HEMK2: variants seen among roughly 807,000 people sequenced by gnomAD.
HEMK2 encodes the protein methyltransferase HEMK2.
the HEMK2 span, among the ~76,000 whole-genome samples, chr21:28,868,203 T>C: frequency 6.6e-6 from 1 of 152,202 alleles, no homozygotes; most frequent in African/African-American, 2.4e-5. Context: ...TCAAGCTCTC[T>C]CATGCTCCTC....
chr21:28,713,489 A>C, the HEMK2 span, among the ~76,000 whole-genome samples: 1 of 152,156 alleles, frequency 6.6e-6, no homozygotes, highest in Non-Finnish European at 1.5e-5. Context: ...GCCAACCTTT[A>C]GTTCCCCAGG....
chr21:28,717,068 C>T, the HEMK2 span, among the ~76,000 whole-genome samples: 1 of 152,096 alleles, frequency 6.6e-6, no homozygotes, highest in Non-Finnish European at 1.5e-5. Flanking sequence ...GGAATATCGG[C>T]CTGTAGTTTT....
chr21:28,754,849 T>G, the HEMK2 span, among the ~76,000 whole-genome samples: 2 of 152,222 alleles, frequency 1.3e-5, no homozygotes, highest in Non-Finnish European at 2.9e-5. Flanking sequence ...AGAAAAGCGT[T>G]AAGACCTTTC....
chr21:28,683,446 A>C, the HEMK2 span, among the ~76,000 whole-genome samples: 1 of 152,212 alleles, frequency 6.6e-6, no homozygotes, highest in African/African-American at 2.4e-5. Context: ...AGATTAATCC[A>C]AAACCATGAT....
At chr21:28,872,673 G>C in the HEMK2 span, 1 of 152,244 alleles carries the variant, frequency 6.6e-6, no homozygotes, top group Non-Finnish European at 1.5e-5. Flanking sequence ...ACCCAGGAAG[G>C]CCTGTGGTAT....
chr21:28,626,720 AG>A, the HEMK2 span: 1 of 152,140 alleles, frequency 6.6e-6, no homozygotes, highest in African/African-American at 2.4e-5. Flanking sequence ...TTTTTTTAAA[AG>A]GGCAAAAAGC....
chr21:28,877,392 G>A, the HEMK2 span, among the ~76,000 whole-genome samples: 1 of 64,820 alleles, frequency 1.5e-5, no homozygotes, highest in African/African-American at 6.0e-5. Context: ...AAAGAAGGAA[G>A]GAAGGGAAGA....
At chr21:28,847,012 A>G in the HEMK2 span, among the ~76,000 whole-genome samples, 1 of 152,164 alleles carries the variant, frequency 6.6e-6, no homozygotes, top group Admixed American at 6.6e-5. Flanking sequence ...TATATGTACC[A>G]TATTTTCTTC....
the HEMK2 span, among the ~76,000 whole-genome samples, chr21:28,781,538 G>A: frequency 6.6e-6 from 1 of 152,166 alleles, no homozygotes. Context: ...ATACTACAGT[G>A]AAAGGAATCA....
chr21:28,763,501 C>T, the HEMK2 span, among the ~76,000 whole-genome samples: 3 of 152,220 alleles, frequency 2.0e-5, no homozygotes, highest in African/African-American at 7.2e-5. Context: ...ACCCCACGAT[C>T]CAGCGACTTC....
the HEMK2 span, among the ~76,000 whole-genome samples, chr21:28,759,843 G>C: frequency 6.6e-6 from 1 of 152,116 alleles, no homozygotes; most frequent in African/African-American, 2.4e-5. Context: ...CCCCAGCCAC[G>C]TGGAACTGTG....
the HEMK2 span, among the ~76,000 whole-genome samples, chr21:28,864,079 C>T: frequency 6.6e-6 from 1 of 152,218 alleles, no homozygotes; most frequent in Non-Finnish European, 1.5e-5. Context: ...GATCCACCCA[C>T]CTTGGCCTCC....
At chr21:28,780,864 T>TGAC in the HEMK2 span, among the ~76,000 whole-genome samples, 1 of 152,320 alleles carries the variant, frequency 6.6e-6, no homozygotes, top group South Asian at 2.1e-4. Context: ...CTCTGGCTCT[T>TGAC]GACCACCACC....
At chr21:28,831,734 G>GGAAAGAGAGAAA in the HEMK2 span, among the ~76,000 whole-genome samples, 2 of 13,650 alleles carry the variant, frequency 1.5e-4, no homozygotes, top group East Asian at 1.3e-3. Flanking sequence ...AAGGAAGGAA[G>GGAAAGAGAGAAA]GAAAGAAAGA....
At chr21:28,877,278 A>T in the HEMK2 span, among the ~76,000 whole-genome samples, 1 of 117,742 alleles carries the variant, frequency 8.5e-6, no homozygotes, top group Non-Finnish European at 1.9e-5. Flanking sequence ...GGAAGGAAGG[A>T]AGGAAGGAAG....
chr21:28,588,155 A>G, the HEMK2 span, among the ~76,000 whole-genome samples: 1 of 152,222 alleles, frequency 6.6e-6, no homozygotes, highest in South Asian at 2.1e-4. Context: ...GGCAAATAAA[A>G]TTCACACATT....
chr21:28,696,220 C>T, the HEMK2 span, among the ~76,000 whole-genome samples: 2 of 152,208 alleles, frequency 1.3e-5, no homozygotes, highest in Non-Finnish European at 2.9e-5. Flanking sequence ...CCTCCCACAA[C>T]ACATGGGAAT....
chr21:28,679,282 C>T, the HEMK2 span, among the ~76,000 whole-genome samples: 2 of 152,056 alleles, frequency 1.3e-5, no homozygotes, highest in African/African-American at 2.4e-5. Flanking sequence ...CCACAAAGAT[C>T]AAAAGAGACA....
the HEMK2 span, among the ~76,000 whole-genome samples, chr21:28,581,986 T>C: frequency 3.3e-5 from 5 of 152,250 alleles, no homozygotes; most frequent in African/African-American, 1.2e-4. Context: ...AGAGACAGTA[T>C]TTACAAAATG....
Sources: gnomAD v4.1 joint callset for allele counts (sites outside exome capture counted in the v4.1 genomes callset) on GRCh38, gnomAD v4.1.1 for gene constraint, MANE v1.5 for transcripts, NCBI Gene and HGNC (gene_info 2026-07-23, HGNC 2026-07-21) for gene names.